Variants in ESR2 observed in about 807,000 individuals in gnomAD.
The protein encoded by ESR2 is estrogen receptor beta.
ESR2 carries 36 observed loss-of-function variants against 49.6 expected under a neutral mutation model. That is an observed-to-expected ratio of 0.73 (90% confidence interval 0.56 to 0.96). The LOEUF (loss-of-function observed/expected upper bound fraction) is 0.96. Ranked by LOEUF, ESR2 falls within the 40% of genes least tolerant of loss-of-function variation. The pLI, the probability that ESR2 is intolerant of heterozygous loss-of-function variation, is 0.00. For missense variants in ESR2, 714 were observed against 693.0 expected (o/e 1.03, Z -0.34); for synonymous variants, 320 against 266.1 (o/e 1.20, Z -1.97).
intron 1 of ESR2, among the ~76,000 whole-genome samples, chr14:64,287,629 T>A (rs183388355): frequency 6.6e-6 from 1 of 152,254 alleles, no homozygotes; most frequent in East Asian, 1.9e-4. Flanking sequence ...AGAGCCATAA[T>A]AAGGGGAAGA....
Position 64,282,745 on chromosome 14 carries a change from G to A in ESR2, c.241C>T (p.Pro81Ser). 1.9e-6 allele frequency: 3 copies of A among 1,614,182 alleles called. No individual in the cohort carries two copies. Among genetic ancestry groups the A allele is most frequent in the Non-Finnish European group, 2.5e-6 (3 of 1,180,034 alleles). The change falls in exon 2 of 9, where the codon CCA (proline) becomes TCA (serine). Residue 81 changes from proline (P) to serine (S), a missense_variant. Transcript: ENST00000341099. ...AAAGGAGAAAGGTGCCCAGGTGTTGGCCACAACACATTTGGGCTTGTGGTC... is the reference window on the plus strand; with the variant it reads ...AAAGGAGAAAGGTGCCCAGGTGTTGACCACAACACATTTGGGCTTGTGGTC... ...RQTTSPNVLW[P>S]TPGHLSPLVV... is the part of the protein sequence containing the mutation.
chr14:64,233,867 T>A (rs547821053), intron 8 of ESR2: 1 of 153,570 alleles, frequency 6.5e-6, no homozygotes, highest in African/African-American at 2.4e-5. Context: ...CGAGGAACAC[T>A]AGACAGGTCT....
chr14:64,264,937 G>A lies in ESR2; in HGVS notation c.652+3858C>T, dbSNP rs531352299. On this transcript the variant is annotated intron_variant, in intron 4 of 8. Coordinates refer to ENST00000341099, the MANE Select transcript of ESR2 (RefSeq NM_001437.3). ...TGATCATACATTTCTCTTTTGTAGA[G>A]TATAGAGTATATAAGGATAAGGAAT... Among the ~76,000 whole-genome samples, 10 of 150,524 alleles carry A rather than the reference G, an allele frequency of 6.6e-5. No homozygotes were observed. The South Asian group carries it at 1.9e-3, about 29-fold the overall frequency.
At chr14:64,336,024 T>TGTGTGTG (rs2077527834) in intron 1 of ESR2, 1 of 137,118 alleles carries the variant, frequency 7.3e-6, no homozygotes, top group African/African-American at 2.8e-5. Flanking sequence ...TGTGTGTGTG[T>TGTGTGTG]ATTTTTAATA....
intron 1 of ESR2, among the ~76,000 whole-genome samples, chr14:64,302,476 C>G (rs2077037485): frequency 6.6e-6 from 1 of 151,912 alleles, no homozygotes. Flanking sequence ...TGTGAGGCAC[C>G]GCGCCCGGCC....
downstream of ESR2, chr14:64,226,883 G>T (rs2098721728): frequency 6.6e-6 from 1 of 152,086 alleles, no homozygotes; most frequent in Non-Finnish European, 1.5e-5. Context: ...TAGAGACGGG[G>T]TTTCGCCATG....
At chr14:64,289,373 A>G (rs1483509872) in intron 1 of ESR2, among the ~76,000 whole-genome samples, 7 of 151,952 alleles carry the variant, frequency 4.6e-5, no homozygotes. Flanking sequence ...TTAGCCGGGC[A>G]TGGTGGCACA....
At chr14:64,233,437 C>A (rs901326945) in intron 8 of ESR2, 114 bp from the exon 9 acceptor site, 10 of 973,110 alleles carry the variant, frequency 1.0e-5, no homozygotes, top group Non-Finnish European at 1.5e-5. Flanking sequence ...TAAACCCACT[C>A]TTCCCCCAGC....
At chr14:64,227,623 G>T (rs755532853), downstream of ESR2, 16 of 1,614,016 alleles carry the variant, frequency 9.9e-6, no homozygotes, top group East Asian at 3.1e-4. Context: ...CCCTTAAGTA[G>T]AGATGCGGGA....
chr14:64,314,890 A>G (rs1301193705), intron 1 of ESR2, among the ~76,000 whole-genome samples: 1 of 150,176 alleles, frequency 6.7e-6, no homozygotes, highest in African/African-American at 2.4e-5. Context: ...AAAAAAAAAA[A>G]AAAAAAAAAA....
At chr14:64,256,330 C>A (rs2076094459) in intron 6 of ESR2, among the ~76,000 whole-genome samples, 1 of 152,154 alleles carries the variant, frequency 6.6e-6, no homozygotes, top group Non-Finnish European at 1.5e-5. Context: ...CAAACACAAC[C>A]AAGATACAGC....
intron 3 of ESR2, among the ~76,000 whole-genome samples, chr14:64,270,896 C>T (rs1489646930): frequency 6.6e-6 from 1 of 152,186 alleles, no homozygotes; most frequent in Non-Finnish European, 1.5e-5. Flanking sequence ...TCTCATGTTG[C>T]AAAGAGATAT....
At chr14:64,278,410 A>G (rs985540214) in intron 3 of ESR2, among the ~76,000 whole-genome samples, 3 of 152,196 alleles carry the variant, frequency 2.0e-5, no homozygotes, top group Admixed American at 6.6e-5. Flanking sequence ...TCCTCACCAT[A>G]TCCTGGATTC....
intron 1 of ESR2, among the ~76,000 whole-genome samples, chr14:64,308,646 T>C (rs1323490321): frequency 2.0e-5 from 3 of 152,188 alleles, no homozygotes; most frequent in Admixed American, 6.5e-5. Context: ...TATTCTGCTA[T>C]TGTTAAGAGT....
exon 1 of ESR2, chr14:64,338,033 G>A (rs1454692102): frequency 1.3e-5 from 2 of 154,354 alleles, no homozygotes; most frequent in Non-Finnish European, 2.9e-5. Flanking sequence ...AGGCTTCCCA[G>A]GCAATCGCCC....
rs752108248 is a variant in ESR2 at position 64,307,063 on chromosome 14, T to C, written c.-90-23988A>G. 1.3e-3 allele frequency among the ~76,000 whole-genome samples: 198 copies of C among 152,134 alleles called. 6 individuals are homozygous for C. The highest frequency in any genetic ancestry group is 2.5e-4 in the Non-Finnish European group (17 of 68,022). ...ATGTTGAATTTTTTGTTAAAAAGTT[T>C]TTCATAATATTCTCTAATTATTATT... On this transcript the variant is annotated intron_variant, in intron 1 of 8. Coordinates refer to the ESR2 transcript ENST00000358599.
chr14:64,273,995 A>G (rs909211811), intron 3 of ESR2, among the ~76,000 whole-genome samples: 34 of 148,462 alleles, frequency 2.3e-4, no homozygotes, highest in African/African-American at 8.0e-4. Context: ...GCTAGAATGC[A>G]GTGGTGCAAT....
chr14:64,323,824 T>C (rs991852738), intron 1 of ESR2, among the ~76,000 whole-genome samples: 1 of 152,042 alleles, frequency 6.6e-6, no homozygotes, highest in Non-Finnish European at 1.5e-5. Context: ...CCCAAGTAGT[T>C]GGGATTACAA....
intron 4 of ESR2, 98 bp downstream of exon 4, chr14:64,268,697 C>G (rs2076379377): frequency 2.7e-6 from 2 of 730,692 alleles, no homozygotes; most frequent in African/African-American, 3.5e-5. Flanking sequence ...TTACTATGTC[C>G]CAAATCTTCT....
Sources: gnomAD v4.1 joint callset for allele counts (sites outside exome capture counted in the v4.1 genomes callset) on GRCh38, gnomAD v4.1.1 for gene constraint, MANE v1.5 for transcripts, NCBI Gene and HGNC (gene_info 2026-07-23, HGNC 2026-07-21) for gene names.